Variants in NRXN3 observed in about 807,000 individuals in gnomAD.
The protein encoded by NRXN3 is neurexin 3.
Under a neutral mutation model 137.6 loss-of-function variants are expected in NRXN3, and 32 were observed. That is an observed-to-expected ratio of 0.23 (90% CI 0.18 to 0.31). NRXN3 has a LOEUF of 0.31. NRXN3 is among the 10% of genes least tolerant of loss of function. The pLI is 1.00. For missense variants in NRXN3, 1,574 were observed against 2,062.5 expected, an observed-to-expected ratio of 0.76 and a Z score of 4.59; for synonymous variants, 798 against 784.5, an observed-to-expected ratio of 1.02 and a Z score of -0.29.
At chr14:79,483,194 A>C (rs1306013960) in intron 16 of NRXN3, among the ~76,000 whole-genome samples, 1 of 152,234 alleles carries the variant, frequency 6.6e-6, no homozygotes, top group African/African-American at 2.4e-5. Flanking sequence ...AAGAGCAGTT[A>C]GATGTGTCTC....
At chr14:78,943,678 ATC>A (rs1567779117) in intron 10 of NRXN3, among the ~76,000 whole-genome samples, 1 of 102,492 alleles carries the variant, frequency 9.8e-6, no homozygotes, top group Admixed American at 1.1e-4. Context: ...ATATATATAT[ATC>A]TCAAAGAATC....
intron 16 of NRXN3, among the ~76,000 whole-genome samples, chr14:79,663,471 A>T (rs911359689): frequency 2.0e-5 from 3 of 152,090 alleles, no homozygotes; most frequent in Non-Finnish European, 1.5e-5. Flanking sequence ...ATCTCACAGA[A>T]ATAAACTTTG....
intron 15 of NRXN3, among the ~76,000 whole-genome samples, chr14:79,431,505 G>A (rs1250501279): frequency 6.6e-6 from 1 of 152,026 alleles, no homozygotes; most frequent in Admixed American, 6.6e-5. Context: ...AAAATTCAAT[G>A]TTTTATACTT....
At chr14:78,202,251 A>G (rs1039800737) in intron 1 of NRXN3, among the ~76,000 whole-genome samples, 2 of 152,192 alleles carry the variant, frequency 1.3e-5, no homozygotes, top group Middle Eastern at 3.2e-3. Flanking sequence ...CGAAGGGAAC[A>G]CCTGTTCTTG....
intron 4 of NRXN3, among the ~76,000 whole-genome samples, chr14:78,494,733 A>G (rs1169296187): frequency 6.6e-6 from 1 of 152,194 alleles, no homozygotes; most frequent in Non-Finnish European, 1.5e-5. Context: ...TTTATTATGA[A>G]GTACATGAAT....
chr14:79,353,722 G>A (rs552039177), intron 15 of NRXN3, among the ~76,000 whole-genome samples: 4 of 152,156 alleles, frequency 2.6e-5, no homozygotes, highest in African/African-American at 7.2e-5. Flanking sequence ...CTCATTTAAC[G>A]CTTAGAAGTT....
chr14:78,883,330 G>A (rs2099134678), intron 10 of NRXN3, among the ~76,000 whole-genome samples: 1 of 152,128 alleles, frequency 6.6e-6, no homozygotes, highest in Non-Finnish European at 1.5e-5. Context: ...AAGAGTGACT[G>A]GAAGAGAGAC....
At chr14:78,795,214 G>A (rs896850438) in intron 8 of NRXN3, among the ~76,000 whole-genome samples, 5 of 152,152 alleles carry the variant, frequency 3.3e-5, no homozygotes, top group African/African-American at 1.2e-4. Context: ...GGGAAGGGTG[G>A]CTTTTATTTT....
chr14:79,443,154 A>T (rs2095996134), intron 15 of NRXN3, among the ~76,000 whole-genome samples: 1 of 152,272 alleles, frequency 6.6e-6, no homozygotes, highest in East Asian at 1.9e-4. Context: ...TATAGGTGTT[A>T]GAACAGCAGA....
At chr14:78,872,136 CATT>C (rs2152568161) in intron 10 of NRXN3, among the ~76,000 whole-genome samples, 1 of 151,616 alleles carries the variant, frequency 6.6e-6, no homozygotes, top group Non-Finnish European at 1.5e-5. Flanking sequence ...GATGTCTTTA[CATT>C]CAATACATCA....
intron 15 of NRXN3, among the ~76,000 whole-genome samples, chr14:79,126,011 T>G (rs978332179): frequency 6.6e-6 from 1 of 152,132 alleles, no homozygotes; most frequent in Non-Finnish European, 1.5e-5. Context: ...TTGCACTGAT[T>G]GGACATCACA....
intron 20 of NRXN3, among the ~76,000 whole-genome samples, chr14:79,830,476 A>G (rs1284868697): frequency 6.6e-6 from 1 of 152,162 alleles, no homozygotes; most frequent in Non-Finnish European, 1.5e-5. Context: ...AAGTAAGAGA[A>G]TAGCTTGGTG....
At chr14:79,768,714 G>C (rs1001252879) in intron 19 of NRXN3, among the ~76,000 whole-genome samples, 1 of 152,184 alleles carries the variant, frequency 6.6e-6, no homozygotes, top group Non-Finnish European at 1.5e-5. Context: ...AAAGCAGAGC[G>C]CCTCTCCTCC....
chr14:78,918,285 C>CAA (rs71454807), intron 10 of NRXN3, among the ~76,000 whole-genome samples: 6,593 of 32,748 alleles, frequency 0.2, 568 homozygotes, highest in Non-Finnish European at 0.27. Flanking sequence ...AACTCCATCT[C>CAA]AAAAAAAAAA....
At chr14:78,319,394 G>A (rs2079068974) in intron 4 of NRXN3, among the ~76,000 whole-genome samples, 1 of 152,168 alleles carries the variant, frequency 6.6e-6, no homozygotes, top group African/African-American at 2.4e-5. Flanking sequence ...ATGGGGAGTA[G>A]CCTATAATTC....
At chr14:79,213,558 T>G (rs758073430) in intron 15 of NRXN3, among the ~76,000 whole-genome samples, 1 of 151,902 alleles carries the variant, frequency 6.6e-6, no homozygotes, top group Non-Finnish European at 1.5e-5. Context: ...ATGTAGCACA[T>G]TTTAGAACTC....
intron 4 of NRXN3, among the ~76,000 whole-genome samples, chr14:78,379,957 G>A (rs956017619): frequency 3.3e-5 from 5 of 151,818 alleles, no homozygotes; most frequent in Admixed American, 1.3e-4. Context: ...TGAACCACAT[G>A]GACATCAAAA....
At chr14:78,497,587 C>T (rs1234158517) in intron 4 of NRXN3, among the ~76,000 whole-genome samples, 8 of 111,228 alleles carry the variant, frequency 7.2e-5, no homozygotes, top group Non-Finnish European at 1.7e-5. Context: ...TCCATTCATC[C>T]ATCCATCCAT....
chr14:78,744,750 T>C (rs1181393357), intron 8 of NRXN3: 2 of 152,212 alleles, frequency 1.3e-5, no homozygotes, highest in Non-Finnish European at 2.9e-5. Context: ...GTTTCTGCTC[T>C]GTTCACTGCT....
Sources: gnomAD v4.1 joint callset for allele counts (sites outside exome capture counted in the v4.1 genomes callset) on GRCh38, gnomAD v4.1.1 for gene constraint, MANE v1.5 for transcripts, NCBI Gene and HGNC (gene_info 2026-07-23, HGNC 2026-07-21) for gene names.